The following RTEL1 variants were observed in gnomAD, a reference collection of about 807,000 sequenced individuals.
RTEL1 encodes regulator of telomere elongation helicase 1.
Under a neutral mutation model 162.2 loss-of-function variants are expected in RTEL1, and 86 were observed. That is an observed-to-expected ratio of 0.53 (90% confidence interval 0.45 to 0.63). The LOEUF is 0.63. Ranked by LOEUF, RTEL1 falls within the 30% of genes least tolerant of loss-of-function variation. The probability of loss-of-function intolerance (pLI) is 0.00; values close to 1 mark genes in which losing one functional copy is unlikely to be tolerated. For missense variants in RTEL1, 1,941 were observed against 1,750.2 expected, an observed-to-expected ratio of 1.11 and a Z score of -1.95; for synonymous variants, 958 against 717.9, an observed-to-expected ratio of 1.33 and a Z score of -5.35.
chr20:63,662,349 G>A, intron 4 of RTEL1, 197 bp from the exon 5 acceptor site: 2 of 1,034,538 alleles, frequency 1.9e-6, no homozygotes, highest in South Asian at 1.4e-5. Context: ...TGCTGTGGAA[G>A]CTGTCGAATC....
intron 28 of RTEL1, 70 bp from the exon 29 acceptor site, chr20:63,692,735 A>G (rs943149875): frequency 3.0e-5 from 44 of 1,446,348 alleles, no homozygotes; most frequent in Non-Finnish European, 3.8e-5. Flanking sequence ...TGTTCCAAGG[A>G]AGGCTCTGCA....
intron 10 of RTEL1, among the ~76,000 whole-genome samples, chr20:63,676,915 C>CA (rs541889473): frequency 1.1e-3 from 157 of 140,424 alleles, no homozygotes; most frequent in African/African-American, 4.0e-3. Flanking sequence ...AGCCTGGCGA[C>CA]AGAGCGAGAC....
chr20:63,691,071 C>T (rs1033696807), intron 27 of RTEL1, 124 bp downstream of exon 27: 29 of 1,043,604 alleles, frequency 2.8e-5, no homozygotes, highest in Admixed American at 6.3e-5. Flanking sequence ...GGCAGGCAGG[C>T]GGGCAAGCGG....
chr20:63,670,487 A>G (rs2090217639), intron 8 of RTEL1, among the ~76,000 whole-genome samples: 1 of 152,264 alleles, frequency 6.6e-6, no homozygotes, highest in Non-Finnish European at 1.5e-5. Flanking sequence ...AAAGTCGCCC[A>G]GCATCTCCAG....
intron 20 of RTEL1, 30 bp downstream of exon 20, chr20:63,688,416 G>A (rs1176765722): frequency 1.9e-6 from 3 of 1,609,760 alleles, no homozygotes; most frequent in African/African-American, 1.3e-5. Flanking sequence ...TGGGCGGGGT[G>A]GGTGAGGGCA....
chr20:63,693,957 G>C (rs1051712833), intron 30 of RTEL1, among the ~76,000 whole-genome samples: 1 of 151,392 alleles, frequency 6.6e-6, no homozygotes, highest in Non-Finnish European at 1.5e-5. Flanking sequence ...CCCTGTTTCT[G>C]CCTCTGTTTG....
rs531949534 is a variant in RTEL1, at chr20:63,689,992, G to A, written c.2142-95G>A. The A allele has an allele frequency of 3.2e-4, 506 of 1,565,594 alleles. 2 individuals carry two copies. In the African/African-American group the frequency reaches 3.3e-3, roughly 10 times the overall value. ...GCCTCTCCGGCTACTCGGGGTCAGC[G>A]TGGGGCCCCTGCAGCAGATGAGGGT... On this transcript the variant is annotated intron_variant, in intron 24 of 34. Transcript: ENST00000360203.
In RTEL1 at chr20:63,695,442, C is replaced by T. The variant is rs768665929; in HGVS notation, c.3614C>T (p.Ser1205Phe). The T allele has an allele frequency of 6.3e-6, 10 of 1,580,906 alleles. No individual in the cohort carries two copies. The highest frequency in any genetic ancestry group is 2.2e-5 in the East Asian group (1 of 44,644). Reference sequence around the variant, plus strand: ...GGTGAGGATGCAGGTCCCAGCCAGTCCTCAGGACCTCCCCACGGGCCTGCA... The same window carrying T: ...GGTGAGGATGCAGGTCCCAGCCAGTTCTCAGGACCTCCCCACGGGCCTGCA... ...AGGEDAGPSQ[S>F]SGPPHGPAAS... The change falls in exon 34 of 35, where the codon TCC (serine) becomes TTC (phenylalanine). Residue 1205 changes from serine to phenylalanine, a missense_variant. By Grantham distance (155) the Ser-to-Phe change is radical. Coordinates refer to ENST00000360203, the MANE Select transcript of RTEL1 (RefSeq NM_001283009.2).
At position 63,661,998 on chromosome 20, in the gene RTEL1, A is replaced by G; in HGVS notation, c.395+55A>G. 7.4e-7 allele frequency: 1 copy of G among 1,357,656 alleles called. No individual in the cohort carries two copies. Among genetic ancestry groups the G allele is most frequent in the Non-Finnish European group, 1.1e-6 (1 of 947,574 alleles). 84.1% of individuals were successfully genotyped at this position (1,357,656 alleles called of 1,614,324 possible). A position where few individuals can be genotyped will look rare whatever the true frequency, so the allele number is the denominator to read the frequency against. On this transcript the variant is annotated intron_variant, in intron 4 of 34. Coordinates refer to ENST00000360203, the MANE Select transcript of RTEL1 (RefSeq NM_001283009.2). The surrounding 1 kb of genome is among the most constrained non-coding windows in gnomAD (Gnocchi z 5.1). Reference sequence around the variant, plus strand: ...GGGTCCTCAAGAGAACCAGCTTGGCATGGTGCTGAGTCCACAGCCCCATGC... The same window carrying G: ...GGGTCCTCAAGAGAACCAGCTTGGCGTGGTGCTGAGTCCACAGCCCCATGC...
In RTEL1 at chr20:63,681,313, C is replaced by T. The variant is rs528871560; in HGVS notation, c.1191+594C>T. 2.9e-4 allele frequency: 282 copies of T among 985,372 alleles called. No homozygotes were observed. In the African/African-American group the frequency reaches 4.4e-3, roughly 15 times the overall value. The allele number at this position is 985,372 out of a possible 1,614,324, so 61.0% of individuals were successfully genotyped here. A position where few individuals can be genotyped will look rare whatever the true frequency, so the allele number is the denominator to read the frequency against. On this transcript the variant is annotated intron_variant, in intron 14 of 34. Transcript: ENST00000360203. ...GTGCTTGTCCGGTTTGTGGAGGGCA[C>T]GCCCCATTTTGGGTGCTCTGGGCAC... is the stretch of plus-strand genomic sequence containing the variant.
At chr20:63,681,022 G>A in intron 14 of RTEL1, 30 of 985,426 alleles carry the variant, frequency 3.0e-5, no homozygotes, top group Non-Finnish European at 3.5e-5. Flanking sequence ...CAGGCCAGGG[G>A]GGACCCACTG....
At position 63,692,757 on chromosome 20, in the gene RTEL1, C is replaced by T. The variant is rs375329032; in HGVS notation, c.2653-48C>T. ...AGGAAGGCTCTGCAGCCCCAGGGAC[C>T]AGATGATGAGGCTGGCCCTGATGGA... On this transcript the variant is annotated intron_variant, in intron 28 of 34. Transcript: ENST00000360203. The T allele has an allele frequency of 4.5e-6, 7 of 1,558,092 alleles. No individual in the cohort carries two copies. In the African/African-American group the frequency reaches 8.1e-5, roughly 18 times the overall value.
chr20:63,667,070 A>G (rs1469563031), intron 7 of RTEL1, among the ~76,000 whole-genome samples: 1 of 143,986 alleles, frequency 6.9e-6, no homozygotes, highest in Non-Finnish European at 1.5e-5. Flanking sequence ...CGATCTTCTG[A>G]CCTTGTGATC....
intron 16 of RTEL1, 107 bp downstream of exon 16, chr20:63,685,979 G>A: frequency 1.9e-6 from 2 of 1,061,788 alleles, no homozygotes; most frequent in South Asian, 1.4e-5. Context: ...GCCCCCATGG[G>A]CCTGGCCACC....
At chr20:63,667,593 A>G (rs747277521) in intron 8 of RTEL1, 40 bp downstream of exon 8, 2 of 1,520,824 alleles carry the variant, frequency 1.3e-6, no homozygotes, top group African/African-American at 2.7e-5. Context: ...CCTGATGTCC[A>G]GGGGTGTCCC....
rs190303013 is a variant in RTEL1 at position 63,667,860 on chromosome 20, C to T, written c.699+307C>T. On this transcript the variant is annotated intron_variant, in intron 8 of 34. Transcript: ENST00000360203. The stretch of plus-strand genomic sequence containing the variant: ...CTGACAGCTCAGGTTCTCTCCTTCA[C>T]GTCAGGCCATGGGAGGCACCGAGAA... 6.9e-3 allele frequency among the ~76,000 whole-genome samples: 1,053 copies of T among 152,174 alleles called. 51 individuals carry two copies. Among genetic ancestry groups the T allele is most frequent in the Non-Finnish European group, 1.8e-3 (121 of 67,996 alleles).
chr20:63,664,126 C>T (rs2090075461), intron 6 of RTEL1, among the ~76,000 whole-genome samples: 1 of 152,212 alleles, frequency 6.6e-6, no homozygotes, highest in African/African-American at 2.4e-5. Flanking sequence ...TAAGAAGGGG[C>T]TCTGCCTTTG....
In RTEL1 at chr20:63,687,915, T is replaced by C; in HGVS notation, c.1482-22T>C. On this transcript the variant is annotated intron_variant, in intron 17 of 34. Transcript: ENST00000360203. ...GGTGCTGGTGCACTTCCCCACTGTCTGCTCCCTCTGGCCACGCTCAGCCCT... is the reference window on the plus strand; with the variant it reads ...GGTGCTGGTGCACTTCCCCACTGTCCGCTCCCTCTGGCCACGCTCAGCCCT... 7 of 1,610,538 alleles carry C rather than the reference T, an allele frequency of 4.3e-6. No homozygotes were observed. In the South Asian group the frequency reaches 6.6e-5, roughly 15 times the overall value.
intron 16 of RTEL1, 84 bp downstream of exon 16, chr20:63,685,956 C>A: frequency 7.6e-7 from 1 of 1,318,734 alleles, no homozygotes; most frequent in Non-Finnish European, 1.1e-6. Context: ...ACATGCCCAG[C>A]CGTGGATCTC....
Sources: gnomAD v4.1 joint callset for allele counts (sites outside exome capture counted in the v4.1 genomes callset) on GRCh38, gnomAD v4.1.1 for gene constraint, Gnocchi (gnomAD v3.1) non-coding constraint, MANE v1.5 for transcripts, NCBI Gene and HGNC (gene_info 2026-07-23, HGNC 2026-07-21) for gene names.